The following TMEM207 variants were observed in gnomAD, a reference collection of about 807,000 sequenced individuals.
TMEM207 encodes transmembrane protein 207, also known as SRSR846.
Under a neutral mutation model 17.4 loss-of-function variants are expected in TMEM207, and 15 were observed. The ratio of observed to expected loss-of-function variants is 0.86; its 90% CI spans 0.58 to 1.33. The LOEUF (loss-of-function observed/expected upper bound fraction) is 1.33, where lower values mean the gene tolerates loss of function less well. Ranked by LOEUF, TMEM207 falls within the 40% of genes most tolerant of loss-of-function variation. The probability of loss-of-function intolerance (pLI) is 0.00; values close to 1 mark genes in which losing one functional copy is unlikely to be tolerated. For synonymous variants in TMEM207, 70 were observed against 65.6 expected (o/e 1.07, Z -0.33); for missense variants, 205 against 173.8 (o/e 1.18, Z -1.01).
In TMEM207 at chr3:190,429,554, A is replaced by C. The variant is rs1719643916; in HGVS notation, c.*41T>G. 6.2e-7 allele frequency: 1 copy of C among 1,606,020 alleles called. No homozygotes were observed. The highest frequency in any genetic ancestry group is 1.7e-5 in the Admixed American group (1 of 59,286). ...CCTAAATTTGATGTTTTGGAATTAC[A>C]GATGTCGTTAATACTTTAAATTGAT... On this transcript the variant is annotated 3_prime_UTR_variant, in exon 5 of 5. Coordinates refer to ENST00000354905, the MANE Select transcript of TMEM207 (RefSeq NM_207316.3).
chr3:190,432,775 T>C (rs1719719134), intron 4 of TMEM207, among the ~76,000 whole-genome samples: 2 of 152,194 alleles, frequency 1.3e-5, no homozygotes, highest in Non-Finnish European at 2.9e-5. Flanking sequence ...AATGCCAGTA[T>C]TTCTATTTTC....
At chr3:190,447,617 T>C (rs1354125240) in intron 2 of TMEM207, among the ~76,000 whole-genome samples, 173 bp downstream of exon 2, 2 of 152,166 alleles carry the variant, frequency 1.3e-5, no homozygotes, top group Admixed American at 1.3e-4. Flanking sequence ...TTATCTTTCC[T>C]GTTTTCAGAA....
intron 4 of TMEM207, among the ~76,000 whole-genome samples, chr3:190,439,123 G>T (rs1288441280): frequency 6.8e-6 from 1 of 146,220 alleles, no homozygotes; most frequent in Non-Finnish European, 1.5e-5. Flanking sequence ...CTTGCAGTGA[G>T]CGGAGATCGC....
chr3:190,439,167 A>G (rs1450424757), intron 4 of TMEM207, among the ~76,000 whole-genome samples: 1 of 126,498 alleles, frequency 7.9e-6, no homozygotes, highest in Non-Finnish European at 1.6e-5. Flanking sequence ...ACAGAGCGAG[A>G]CTCCGTCTCA....
chr3:190,446,810 G>A (rs1465133892), intron 2 of TMEM207, among the ~76,000 whole-genome samples: 1 of 152,124 alleles, frequency 6.6e-6, no homozygotes, highest in African/African-American at 2.4e-5. Flanking sequence ...TGTTAGTCTG[G>A]GTCAAAGGCA....
chr3:190,448,225 A>G (rs1289613450), intron 1 of TMEM207, among the ~76,000 whole-genome samples: 1 of 152,118 alleles, frequency 6.6e-6, no homozygotes, highest in East Asian at 1.9e-4. Flanking sequence ...AAAAAAAACA[A>G]GTTCCAAGTA....
intron 4 of TMEM207, among the ~76,000 whole-genome samples, chr3:190,438,911 C>T (rs184324444): frequency 6.6e-6 from 1 of 152,028 alleles, no homozygotes; most frequent in Admixed American, 6.5e-5. Flanking sequence ...CATTTCCCGC[C>T]GGGCGCGGTG....
chr3:190,433,618 A>C (rs1324348450), intron 4 of TMEM207, among the ~76,000 whole-genome samples: 2 of 152,126 alleles, frequency 1.3e-5, no homozygotes, highest in Non-Finnish European at 2.9e-5. Context: ...CCTTTACTAA[A>C]AATTTGCATA....
At chr3:190,449,695 G>A (rs1313397995) in intron 1 of TMEM207, 40 bp downstream of exon 1, 2 of 1,595,184 alleles carry the variant, frequency 1.3e-6, no homozygotes, top group Admixed American at 1.7e-5. Flanking sequence ...GTACCTCAGA[G>A]TACCTCTGAA....
At chr3:190,440,625 A>T (rs1719909446) in intron 3 of TMEM207, among the ~76,000 whole-genome samples, 1 of 152,170 alleles carries the variant, frequency 6.6e-6, no homozygotes, top group Admixed American at 6.5e-5. Flanking sequence ...TTTTCTCCTT[A>T]GAAATTGGAG....
chr3:190,429,778 A>G, intron 4 of TMEM207, 47 bp from the exon 5 acceptor site: 1 of 1,534,712 alleles, frequency 6.5e-7, no homozygotes, highest in Non-Finnish European at 8.8e-7. Flanking sequence ...GTGAGCATAA[A>G]ACATAAGTAC....
At chr3:190,435,103 T>C (rs1400092413) in intron 4 of TMEM207, among the ~76,000 whole-genome samples, 1 of 152,098 alleles carries the variant, frequency 6.6e-6, no homozygotes, top group Admixed American at 6.5e-5. Context: ...TCCTCCTCAC[T>C]CCCCAAGAGA....
In TMEM207 at chr3:190,440,307, G is replaced by C; in HGVS notation, c.241C>G (p.Arg81Gly). The change falls in exon 4 of 5, where the codon CGA (arginine) becomes GGA (glycine). Residue 81 changes from arginine to glycine, a missense_variant. By Grantham distance (125) the Arg-to-Gly change is moderately radical. Coordinates refer to ENST00000354905, the MANE Select transcript of TMEM207 (RefSeq NM_207316.3). ...ATGGTGCGCCTGTGAGAATCAATTC[G>C]GGGTCTCCTCAGCCAGCACTGGAGG... ...LCLQCWLRRP[R>G]IDSHRRTMAV... 6.2e-7 allele frequency: 1 copy of C among 1,613,986 alleles called. No individual in the cohort carries two copies. Among genetic ancestry groups the C allele is most frequent in the Non-Finnish European group, 8.5e-7 (1 of 1,179,974 alleles).
intron 4 of TMEM207, among the ~76,000 whole-genome samples, chr3:190,432,037 T>A (rs1719703388): frequency 6.6e-6 from 1 of 152,226 alleles, no homozygotes; most frequent in South Asian, 2.1e-4. Flanking sequence ...CAGGCATTTT[T>A]ATCTTTTGAC....
intron 4 of TMEM207, among the ~76,000 whole-genome samples, chr3:190,438,016 T>TAG (rs1345102145): frequency 1.4e-5 from 2 of 146,578 alleles, no homozygotes; most frequent in Non-Finnish European, 3.0e-5. Context: ...CCAAACACCG[T>TAG]GTGTTCTCAC....
At chr3:190,447,893 G>A (rs2108540190) in intron 1 of TMEM207, 66 bp from the exon 2 acceptor site, 1 of 1,466,068 alleles carries the variant, frequency 6.8e-7, no homozygotes, top group Non-Finnish European at 9.3e-7. Flanking sequence ...AATACAAGCA[G>A]CGCCTAGAGA....
rs576750027 is a variant in TMEM207, at chr3:190,429,678, G to A, written c.358C>T (p.Pro120Ser). Reference sequence around the variant, plus strand: ...GGAGCAGGAACAGGATATAGGTCAGGGGTTTGAGTTTGAAGGTGAATTCCA... The same window carrying A: ...GGAGCAGGAACAGGATATAGGTCAGAGGTTTGAGTTTGAAGGTGAATTCCA... ...TVGIHLQTQT[P>S]DLYPVPAPCF... Residue 120 changes from proline to serine, a missense_variant, in exon 5 of 5, where the codon CCT (proline) becomes TCT (serine). Coordinates refer to ENST00000354905, the MANE Select transcript of TMEM207 (RefSeq NM_207316.3). 108 of 1,612,888 alleles carry A rather than the reference G, an allele frequency of 6.7e-5. No individual in the cohort carries two copies. In the South Asian group the frequency reaches 1.1e-3, roughly 16 times the overall value.
intron 4 of TMEM207, among the ~76,000 whole-genome samples, chr3:190,431,637 A>G (rs961487776): frequency 1.3e-5 from 2 of 152,130 alleles, no homozygotes; most frequent in African/African-American, 2.4e-5. Flanking sequence ...ACTTGTAATG[A>G]ATGATGGCTA....
intron 2 of TMEM207, among the ~76,000 whole-genome samples, chr3:190,446,385 A>C (rs1269512089): frequency 6.6e-6 from 1 of 152,216 alleles, no homozygotes; most frequent in Non-Finnish European, 1.5e-5. Context: ...GCGATAACAA[A>C]AGATTTGAGA....
Sources: gnomAD v4.1 joint callset for allele counts (sites outside exome capture counted in the v4.1 genomes callset) on GRCh38, gnomAD v4.1.1 for gene constraint, MANE v1.5 for transcripts, NCBI Gene and HGNC (gene_info 2026-07-23, HGNC 2026-07-21) for gene names.